MAP2: variants seen among roughly 807,000 people sequenced by gnomAD.
The protein encoded by MAP2 is microtubule-associated protein 2.
MAP2 carries 14 observed loss-of-function variants against 137.6 expected under a neutral mutation model. The observed-to-expected ratio is 0.10, with a 90% CI of 0.07 to 0.16. The LOEUF (loss-of-function observed/expected upper bound fraction) is 0.16, where lower values mean the gene tolerates loss of function less well. Among genes scored for constraint, MAP2 ranks in the 10% least tolerant of loss-of-function variants. MAP2 has a pLI of 1.00. For missense variants in MAP2, 2,088 were observed against 2,191.5 expected (o/e 0.95, Z 0.94); for synonymous variants, 786 against 782.3 (o/e 1.00, Z -0.08).
At chr2:209,478,460 T>C (rs1314608569) in intron 1 of MAP2, among the ~76,000 whole-genome samples, 1 of 152,234 alleles carries the variant, frequency 6.6e-6, no homozygotes, top group Non-Finnish European at 1.5e-5. Flanking sequence ...AAATGTTTAC[T>C]ACTGCCAAGT....
At chr2:209,630,245 A>G (rs1330333523) in intron 4 of MAP2, among the ~76,000 whole-genome samples, 1 of 152,134 alleles carries the variant, frequency 6.6e-6, no homozygotes, top group Non-Finnish European at 1.5e-5. Context: ...TCAGGAACTA[A>G]ACATCAGCCA....
At chr2:209,614,127 C>A (rs1409736409) in intron 3 of MAP2, among the ~76,000 whole-genome samples, 5 of 151,970 alleles carry the variant, frequency 3.3e-5, no homozygotes. Context: ...TCTTTGTGCC[C>A]CTCCTCCTGT....
intron 5 of MAP2, among the ~76,000 whole-genome samples, chr2:209,666,350 T>C (rs1355970365): frequency 6.6e-6 from 1 of 152,110 alleles, no homozygotes; most frequent in African/African-American, 2.4e-5. Context: ...ATGATTGAGT[T>C]TGATGCAAAT....
At chr2:209,516,777 C>G (rs2062575359) in intron 2 of MAP2, among the ~76,000 whole-genome samples, 1 of 152,038 alleles carries the variant, frequency 6.6e-6, no homozygotes, top group Non-Finnish European at 1.5e-5. Flanking sequence ...GATTTGTGCA[C>G]TTAGGGTATC....
chr2:209,468,296 G>A (rs1704662646), intron 1 of MAP2, among the ~76,000 whole-genome samples: 1 of 137,364 alleles, frequency 7.3e-6, no homozygotes, highest in African/African-American at 2.6e-5. Flanking sequence ...TCTCATGGAG[G>A]ATTTTTTCAG....
Position 209,731,746 on chromosome 2 carries a change from C to G in MAP2, c.*1349C>G, listed in dbSNP as rs141166524. ...AAATTCTCTAATAGAAGATGTTTGTCTTTCTTACCCAAAGTAAAGATCCCC... is the reference window on the plus strand; with the variant it reads ...AAATTCTCTAATAGAAGATGTTTGTGTTTCTTACCCAAAGTAAAGATCCCC... On this transcript the variant is annotated 3_prime_UTR_variant, in exon 16 of 16. Transcript: ENST00000682079. 6.6e-5 allele frequency: 10 copies of G among 151,976 alleles called. No homozygotes were observed. The highest frequency in any genetic ancestry group is 2.4e-4 in the African/African-American group (10 of 41,426). The allele number at this position is 151,976 out of a possible 1,614,324, so 9.4% of individuals were successfully genotyped here.
At chr2:209,490,651 C>A (rs912405936) in intron 1 of MAP2, among the ~76,000 whole-genome samples, 1 of 132,102 alleles carries the variant, frequency 7.6e-6, no homozygotes. Flanking sequence ...GATGGCAATC[C>A]TAGTCTCTGA....
chr2:209,692,652 T>A lies in MAP2; in HGVS notation c.482T>A (p.Phe161Tyr). The part of the protein sequence containing the change: ...EDLLTASKME[F>Y]HDQQELTPST... ...TTACTTACAGCCTCGAAGATGGAGT[T>A]CCACGATCAACAGGAATTGACTCCC... Residue 161 changes from phenylalanine (F) to tyrosine (Y), a missense_variant, in exon 8 of 16, where the codon TTC (phenylalanine) becomes TAC (tyrosine). Transcript: ENST00000682079. The A allele has an allele frequency of 1.3e-6, 2 of 1,588,798 alleles. No individual in the cohort carries two copies. Among genetic ancestry groups the A allele is most frequent in the Non-Finnish European group, 1.7e-6 (2 of 1,172,656 alleles).
At chr2:209,582,352 A>C (rs955808025) in intron 3 of MAP2, among the ~76,000 whole-genome samples, 3 of 152,106 alleles carry the variant, frequency 2.0e-5, no homozygotes, top group African/African-American at 4.8e-5. Context: ...GGCTGTACGG[A>C]ATAGGATTTT....
At chr2:209,623,467 A>G (rs561916554) in intron 3 of MAP2, among the ~76,000 whole-genome samples, 37 of 152,346 alleles carry the variant, frequency 2.4e-4, no homozygotes, top group Non-Finnish European at 4.3e-4. Context: ...AGCACAAAAA[A>G]CAAGCACTTT....
At chr2:209,461,961 T>G (rs1435929707) in intron 1 of MAP2, among the ~76,000 whole-genome samples, 1 of 152,142 alleles carries the variant, frequency 6.6e-6, no homozygotes, top group Non-Finnish European at 1.5e-5. Flanking sequence ...CAGAAAACCT[T>G]CCCTGGCCTT....
chr2:209,503,197 C>T lies in MAP2; in HGVS notation c.-221-4395C>T, dbSNP rs577163206. On this transcript the variant is annotated intron_variant, in intron 1 of 15. Transcript: ENST00000682079. ...TGTATTCTTTGTAAAGTTCGGGTTTCTCCATGTTTCCCAGACTGGTCTCAA... is the reference window on the plus strand; with the variant it reads ...TGTATTCTTTGTAAAGTTCGGGTTTTTCCATGTTTCCCAGACTGGTCTCAA... 1.6e-3 allele frequency among the ~76,000 whole-genome samples: 247 copies of T among 152,038 alleles called. 2 individuals carry two copies. Among genetic ancestry groups the T allele is most frequent in the African/African-American group, 5.7e-3 (238 of 41,472 alleles).
chr2:209,616,428 T>A (rs894462430), intron 3 of MAP2, among the ~76,000 whole-genome samples: 1 of 152,192 alleles, frequency 6.6e-6, no homozygotes, highest in African/African-American at 2.4e-5. Context: ...TAATTCCTAG[T>A]CAGAATGGTT....
In MAP2 at chr2:209,555,373, C is replaced by T. The variant is rs373564884; in HGVS notation, c.-171-24663C>T. Among the ~76,000 whole-genome samples, 8 of 152,156 alleles carry T rather than the reference C, an allele frequency of 5.3e-5. No individual in the cohort carries two copies. In the East Asian group the frequency reaches 7.7e-4, roughly 15 times the overall value. On this transcript the variant is annotated intron_variant, in intron 2 of 15. Transcript: ENST00000682079. The stretch of plus-strand genomic sequence containing the variant: ...ATTTTTAAAAAATTTTCCACATTCC[C>T]GGTGGAATCTGCTATAGGGGAAGCT...
At chr2:209,644,652 C>T (rs577455863) in intron 4 of MAP2, among the ~76,000 whole-genome samples, 3 of 133,286 alleles carry the variant, frequency 2.3e-5, no homozygotes, top group East Asian at 2.2e-4. Flanking sequence ...GCCTGGGCAA[C>T]GACGTGGGAC....
At chr2:209,439,152 A>G (rs1697124068) in intron 1 of MAP2, among the ~76,000 whole-genome samples, 1 of 151,516 alleles carries the variant, frequency 6.6e-6, no homozygotes, top group Admixed American at 6.6e-5. Flanking sequence ...AAAATGGAGA[A>G]CAAAGAGGGG....
rs1260409144 is a variant in MAP2 at position 209,626,943 on chromosome 2, G to GTT, written c.-30+1818_-30+1819dup. 2.6e-5 allele frequency among the ~76,000 whole-genome samples: 4 copies of GTT among 151,952 alleles called. No homozygotes were observed. In the East Asian group the frequency reaches 7.7e-4, roughly 29 times the overall value. On this transcript the variant is annotated intron_variant, in intron 4 of 15. Transcript: ENST00000682079. ...GAGATTTATGTATAAGGAATTCAAA[G>GTT]TTTTTAATATATAATATCATGCCAA...
intron 3 of MAP2, among the ~76,000 whole-genome samples, chr2:209,581,428 G>A (rs1441439520): frequency 6.6e-6 from 1 of 152,092 alleles, no homozygotes; most frequent in Non-Finnish European, 1.5e-5. Flanking sequence ...CTAGTCTTGA[G>A]ACACATAAAA....
chr2:209,719,607 T>C (rs1202131200), intron 13 of MAP2, among the ~76,000 whole-genome samples: 1 of 152,148 alleles, frequency 6.6e-6, no homozygotes, highest in East Asian at 1.9e-4. Context: ...GGTTAATTTA[T>C]TGAAAGAAAC....
Sources: allele counts gnomAD v4.1 joint callset (sites outside exome capture counted in the v4.1 genomes callset), GRCh38; gene constraint gnomAD v4.1.1; transcripts MANE v1.5; gene names NCBI Gene and HGNC (gene_info 2026-07-23, HGNC 2026-07-21).